The following SAMD3 variants were observed in gnomAD, a reference collection of about 807,000 sequenced individuals.
The protein encoded by SAMD3 is sterile alpha motif domain containing 3.
Under a neutral mutation model 58.5 loss-of-function variants are expected in SAMD3, and 63 were observed. The ratio of observed to expected loss-of-function variants is 1.08; its 90% CI spans 0.88 to 1.33. The LOEUF (loss-of-function observed/expected upper bound fraction) is 1.33. SAMD3 is among the 40% of genes most tolerant of loss of function. The pLI, the probability that SAMD3 is intolerant of heterozygous loss-of-function variation, is 0.00. For synonymous variants in SAMD3, 220 were observed against 210.3 expected (o/e 1.05, Z -0.40); for missense variants, 604 against 608.4 (o/e 0.99, Z 0.08).
intron 1 of SAMD3, among the ~76,000 whole-genome samples, chr6:130,350,258 A>G (rs1462780363): frequency 1.3e-5 from 2 of 152,204 alleles, no homozygotes; most frequent in African/African-American, 4.8e-5. Flanking sequence ...AGGGCATTCA[A>G]TTAGGAAAAG....
chr6:130,183,631 T>C, intron 7 of SAMD3: 2 of 325,052 alleles, frequency 6.2e-6, no homozygotes, highest in Non-Finnish European at 1.2e-5. Context: ...TTAGCAACTT[T>C]ATATGCTTGT....
chr6:130,202,874 G>A (rs923373699), intron 5 of SAMD3, among the ~76,000 whole-genome samples: 4 of 151,260 alleles, frequency 2.6e-5, no homozygotes, highest in African/African-American at 9.7e-5. Flanking sequence ...GGATCTAAAC[G>A]TGTCAATTCA....
intron 5 of SAMD3, among the ~76,000 whole-genome samples, chr6:130,195,093 C>A (rs909328113): frequency 6.6e-6 from 1 of 152,114 alleles, no homozygotes; most frequent in Non-Finnish European, 1.5e-5. Context: ...GCCCAGTTCC[C>A]TTATTAGGCT....
At chr6:130,187,393 A>G (rs998883449) in intron 5 of SAMD3, among the ~76,000 whole-genome samples, 11 of 152,122 alleles carry the variant, frequency 7.2e-5, no homozygotes, top group Admixed American at 7.2e-4. Flanking sequence ...AGACATATAA[A>G]GGATCCAAGG....
At chr6:130,342,878 C>T (rs1258078122) in intron 1 of SAMD3, among the ~76,000 whole-genome samples, 6 of 152,130 alleles carry the variant, frequency 3.9e-5, no homozygotes, top group African/African-American at 1.4e-4. Flanking sequence ...TGCTGCTGAT[C>T]ATGACTTAGT....
intron 1 of SAMD3, among the ~76,000 whole-genome samples, chr6:130,350,418 T>C (rs1380607873): frequency 6.6e-6 from 1 of 152,074 alleles, no homozygotes; most frequent in Non-Finnish European, 1.5e-5. Context: ...AGCATTCTTA[T>C]ACACCAATAA....
chr6:130,218,075 G>A (rs1427047519), intron 1 of SAMD3, among the ~76,000 whole-genome samples: 1 of 152,208 alleles, frequency 6.6e-6, no homozygotes, highest in Non-Finnish European at 1.5e-5. Context: ...AGTGTTGTAG[G>A]ACTCTCTCTT....
At position 130,292,401 on chromosome 6, in the gene SAMD3, G is replaced by A. The variant is rs777918178; in HGVS notation, c.-188+20577C>T. On this transcript the variant is annotated intron_variant, in intron 2 of 13. Transcript: ENST00000368134. ...TCCCGGGCTCAAGCAGTTCTCCTGC[G>A]TCAGCCTCCCAAGTAGCTGGGATTC... Among the ~76,000 whole-genome samples, 19 of 150,498 alleles carry A rather than the reference G, an allele frequency of 1.3e-4. No homozygotes were observed. In the East Asian group the frequency reaches 1.6e-3, roughly 12 times the overall value.
chr6:130,308,355 A>ATTCTATTCTATTCTATTCTATTCT (rs1775983395), intron 2 of SAMD3, among the ~76,000 whole-genome samples: 45 of 14,668 alleles, frequency 3.1e-3, no homozygotes, highest in African/African-American at 9.3e-3. Flanking sequence ...ATAGAATTCT[A>ATTCTATTCTATTCTATTCTATTCT]TTCTATTCTA....
chr6:130,184,742 A>G (rs1156343840), intron 5 of SAMD3, 119 bp from the exon 6 acceptor site: 23 of 738,282 alleles, frequency 3.1e-5, no homozygotes, highest in Non-Finnish European at 3.0e-5. Context: ...AATATATGGA[A>G]GTCATCAAGC....
chr6:130,363,150 A>G (rs1778034940), intron 1 of SAMD3, among the ~76,000 whole-genome samples: 1 of 152,228 alleles, frequency 6.6e-6, no homozygotes. Context: ...AAAGCCATTC[A>G]GATAAAAATC....
chr6:130,293,258 A>G (rs147685394), intron 2 of SAMD3, among the ~76,000 whole-genome samples: 4 of 152,282 alleles, frequency 2.6e-5, no homozygotes, highest in African/African-American at 9.6e-5. Flanking sequence ...GAATGCTATG[A>G]TTGAATGACA....
At chr6:130,249,694 C>T (rs1365256143) in intron 2 of SAMD3, among the ~76,000 whole-genome samples, 1 of 152,102 alleles carries the variant, frequency 6.6e-6, no homozygotes, top group Admixed American at 6.5e-5. Context: ...ACTCCAGACC[C>T]ACCTAGTAAG....
chr6:130,216,321 C>T lies in SAMD3; in HGVS notation c.-22+250G>A, dbSNP rs531703535. On this transcript the variant is annotated intron_variant, in intron 2 of 11. Transcript: ENST00000439090. ...TTATCTTTACTTGGCAATTTCAAAT[C>T]TTAATCTAAATGATATAGATTTACT... Among the ~76,000 whole-genome samples, 3 of 152,174 alleles carry T rather than the reference C, an allele frequency of 2.0e-5. No individual in the cohort carries two copies. The South Asian group carries it at 6.2e-4, about 32-fold the overall frequency.
At chr6:130,300,817 A>G (rs117507571) in intron 2 of SAMD3, among the ~76,000 whole-genome samples, 3,837 of 152,194 alleles carry the variant, frequency 0.025, 69 homozygotes, top group Non-Finnish European at 0.04. Flanking sequence ...TATCAGTAGC[A>G]TTTCTTTATT....
chr6:130,192,251 T>A (rs1000585481), intron 5 of SAMD3, among the ~76,000 whole-genome samples: 7 of 152,244 alleles, frequency 4.6e-5, no homozygotes, highest in Non-Finnish European at 1.0e-4. Context: ...ATTGTATGAT[T>A]GATAAAGATG....
intron 8 of SAMD3, chr6:130,162,247 TC>T (rs1340413533): frequency 1.4e-6 from 1 of 701,776 alleles, no homozygotes; most frequent in East Asian, 2.7e-5. Context: ...AGAGCATAGT[TC>T]TAGCCAACTT....
At chr6:130,264,711 A>G (rs1774274457) in intron 2 of SAMD3, among the ~76,000 whole-genome samples, 1 of 152,248 alleles carries the variant, frequency 6.6e-6, no homozygotes, top group Non-Finnish European at 1.5e-5. Context: ...TTAGTGGGTG[A>G]CAGTTAATAA....
At chr6:130,290,345 T>C (rs1583057208) in intron 2 of SAMD3, among the ~76,000 whole-genome samples, 1 of 152,228 alleles carries the variant, frequency 6.6e-6, no homozygotes, top group East Asian at 1.9e-4. Flanking sequence ...TATGTTACAC[T>C]CTTGAGTTAG....
Sources: gnomAD v4.1 joint callset for allele counts (sites outside exome capture counted in the v4.1 genomes callset) on GRCh38, gnomAD v4.1.1 for gene constraint, MANE v1.5 for transcripts, NCBI Gene and HGNC (gene_info 2026-07-23, HGNC 2026-07-21) for gene names.